SRSF4: variants seen among roughly 807,000 people sequenced by gnomAD.
SRSF4 encodes the protein serine/arginine-rich splicing factor 4.
In SRSF4, 12 loss-of-function variants were observed where a neutral mutation model predicts 48.8. The observed-to-expected ratio is 0.25, with a 90% CI of 0.16 to 0.40. The LOEUF (loss-of-function observed/expected upper bound fraction) is 0.40. Among genes scored for constraint, SRSF4 ranks in the 10% least tolerant of loss-of-function variants. The pLI is 1.00. For missense variants in SRSF4, 466 were observed against 667.1 expected (o/e 0.70, Z 3.32); for synonymous variants, 248 against 232.5 (o/e 1.07, Z -0.61).
At chr1:29,176,298 G>C (rs372209523) in intron 1 of SRSF4, among the ~76,000 whole-genome samples, 18 of 151,934 alleles carry the variant, frequency 1.2e-4, no homozygotes, top group East Asian at 3.9e-4. Context: ...ATAGGTGGTA[G>C]GGTTCCTAAA....
Position 29,168,191 on chromosome 1 carries a change from A to ATTTT in SRSF4, c.108-7678_108-7675dup, listed in dbSNP as rs57242686. On this transcript the variant is annotated intron_variant, in intron 1 of 5. Coordinates refer to ENST00000373795, the MANE Select transcript of SRSF4 (RefSeq NM_005626.5). ...CACCATGCCCGGCAAATTTTTTGTA[A>ATTTT]TTTTTTTTTTTTTTTTTTTAGGAGA... Among the ~76,000 whole-genome samples the ATTTT allele has an allele frequency of 4.4e-5, 6 of 134,964 alleles. No homozygotes were observed. The South Asian group carries it at 7.4e-4, about 17-fold the overall frequency. 88.5% of individuals were successfully genotyped at this position (134,964 alleles called of 152,430 possible).
intron 1 of SRSF4, among the ~76,000 whole-genome samples, chr1:29,163,356 T>C (rs996275463): frequency 1.3e-5 from 2 of 152,196 alleles, no homozygotes; most frequent in African/African-American, 4.8e-5. Context: ...CATATCAAAG[T>C]TCAGTTCAAG....
intron 1 of SRSF4, chr1:29,171,294 A>G (rs1201389697): frequency 3.3e-5 from 5 of 151,604 alleles, no homozygotes; most frequent in African/African-American, 1.2e-4. Context: ...CAGAGACTAA[A>G]GGCTGAACAA....
chr1:29,178,591 C>T (rs187022550), intron 1 of SRSF4, among the ~76,000 whole-genome samples: 78 of 151,868 alleles, frequency 5.1e-4, no homozygotes, highest in Non-Finnish European at 6.8e-4. Flanking sequence ...CTCCTGACCT[C>T]GTCATCTGCC....
chr1:29,160,292 A>C lies in SRSF4; in HGVS notation c.250+83T>G. The C allele has an allele frequency of 3.5e-6, 5 of 1,437,344 alleles. No individual in the cohort carries two copies. In the South Asian group the frequency reaches 6.0e-5, roughly 17 times the overall value. The allele number at this position is 1,437,344 out of a possible 1,614,324, so 89.0% of individuals were successfully genotyped here. ...ATAGCTTAAACATCAATACGTTTAAATGTAATATCAATTAATTACTTTAAA... is the reference window on the plus strand; with the variant it reads ...ATAGCTTAAACATCAATACGTTTAACTGTAATATCAATTAATTACTTTAAA... On this transcript the variant is annotated intron_variant, in intron 2 of 5. Coordinates refer to ENST00000373795, the MANE Select transcript of SRSF4 (RefSeq NM_005626.5).
chr1:29,171,793 T>C (rs1342748557), intron 1 of SRSF4: 1 of 152,132 alleles, frequency 6.6e-6, no homozygotes, highest in Non-Finnish European at 1.5e-5. Context: ...GTGCCTATCT[T>C]TTAAGAAGGG....
intron 1 of SRSF4, chr1:29,172,113 G>A (rs1469475373): frequency 6.6e-6 from 1 of 151,892 alleles, no homozygotes; most frequent in Non-Finnish European, 1.5e-5. Context: ...ACACTTTTTT[G>A]GGGGGTAAGT....
chr1:29,172,622 T>C (rs1672761364), intron 1 of SRSF4: 1 of 152,192 alleles, frequency 6.6e-6, no homozygotes, highest in Admixed American at 6.5e-5. Context: ...TCCATGCTGT[T>C]GAAGTGCCCA....
intron 4 of SRSF4, among the ~76,000 whole-genome samples, chr1:29,151,223 C>T (rs1672403622): frequency 6.6e-6 from 1 of 152,190 alleles, no homozygotes; most frequent in South Asian, 2.1e-4. Context: ...TAACCTGCAT[C>T]TCAATCACAC....
chr1:29,173,828 T>C (rs1038573436), intron 1 of SRSF4, among the ~76,000 whole-genome samples: 2 of 152,044 alleles, frequency 1.3e-5, no homozygotes, highest in Non-Finnish European at 2.9e-5. Context: ...TCCTCATATA[T>C]AATTCTAAAC....
At chr1:29,149,800 G>C (rs537189298) in intron 5 of SRSF4, among the ~76,000 whole-genome samples, 2 of 152,094 alleles carry the variant, frequency 1.3e-5, no homozygotes, top group East Asian at 3.9e-4. Flanking sequence ...GCAGTAGTCT[G>C]GGAGGACTAT....
intron 3 of SRSF4, among the ~76,000 whole-genome samples, chr1:29,158,277 A>G (rs1672531939): frequency 6.6e-6 from 1 of 152,172 alleles, no homozygotes; most frequent in Non-Finnish European, 1.5e-5. Flanking sequence ...CAAAAACCTT[A>G]TGAAAAAACA....
intron 1 of SRSF4, among the ~76,000 whole-genome samples, chr1:29,168,130 T>A (rs1207765562): frequency 2.0e-5 from 3 of 151,302 alleles, no homozygotes; most frequent in Non-Finnish European, 4.4e-5. Context: ...TTCTTGTACC[T>A]CAGCCTTTAG....
Position 29,181,664 on chromosome 1 carries a change from T to C in SRSF4, c.89A>G (p.Glu30Gly). 1 of 1,593,044 alleles carries C rather than the reference T, an allele frequency of 6.3e-7. No individual in the cohort carries two copies. Among genetic ancestry groups the C allele is most frequent in the Non-Finnish European group, 8.5e-7 (1 of 1,171,410 alleles). Residue 30 changes from glutamate to glycine, a missense_variant, in exon 1 of 6, where the codon GAG (glutamate) becomes GGG (glycine). Glu to Gly is a moderately conservative substitution (Grantham distance 98). Coordinates refer to ENST00000373795, the MANE Select transcript of SRSF4 (RefSeq NM_005626.5). ...RFFKGYGKIL[E>G]VDLKNGYGFV... ...TCCTCACCCGTTCTTCAGATCCACCTCCAGGATCTTCCCGTAGCCCTTAAA... is the reference window on the plus strand; with the variant it reads ...TCCTCACCCGTTCTTCAGATCCACCCCCAGGATCTTCCCGTAGCCCTTAAA...
chr1:29,171,139 C>T (rs369152984), intron 1 of SRSF4: 1 of 152,202 alleles, frequency 6.6e-6, no homozygotes, highest in South Asian at 2.1e-4. Context: ...CAGCCAACCA[C>T]GATAAAGCTG....
Position 29,148,203 on chromosome 1 carries a change from AAG to A in SRSF4, c.*205_*206del, listed in dbSNP as rs1672335860. 1 of 765,066 alleles carries A rather than the reference AAG, an allele frequency of 1.3e-6. No individual in the cohort carries two copies. Among genetic ancestry groups the A allele is most frequent in the Non-Finnish European group, 2.2e-6 (1 of 446,998 alleles). The allele number at this position is 765,066 out of a possible 1,614,324, so 47.4% of individuals were successfully genotyped here. On this transcript the variant is annotated 3_prime_UTR_variant, in exon 6 of 6. Transcript: ENST00000373795. Reference sequence around the variant, plus strand: ...GGCCATGAGTAAAAGGGGATTTTCAAAGAGAAAATTTTTTTCAGTCGAGCAGG... The same window carrying A: ...GGCCATGAGTAAAAGGGGATTTTCAAAGAAAATTTTTTTCAGTCGAGCAGG...
chr1:29,165,285 C>G (rs1672655437), intron 1 of SRSF4, among the ~76,000 whole-genome samples: 1 of 152,202 alleles, frequency 6.6e-6, no homozygotes, highest in Non-Finnish European at 1.5e-5. Flanking sequence ...TTAGTCCATT[C>G]TTATCCCATT....
At chr1:29,181,583 C>A in intron 1 of SRSF4, 63 bp downstream of exon 1, 7 of 1,377,668 alleles carry the variant, frequency 5.1e-6, no homozygotes, top group Non-Finnish European at 5.9e-6. Context: ...CCCGTCCCCG[C>A]GGCCTCCCCA....
intron 1 of SRSF4, 78 bp from the exon 2 acceptor site, chr1:29,160,595 G>C: frequency 6.8e-7 from 1 of 1,460,994 alleles, no homozygotes; most frequent in Non-Finnish European, 9.2e-7. Context: ...AAAGCAATGA[G>C]GTTCATGCTT....
Sources: gnomAD v4.1 joint callset for allele counts (sites outside exome capture counted in the v4.1 genomes callset) on GRCh38, gnomAD v4.1.1 for gene constraint, MANE v1.5 for transcripts, NCBI Gene and HGNC (gene_info 2026-07-23, HGNC 2026-07-21) for gene names.